Variants in SPAST observed in about 807,000 individuals in gnomAD.
The protein encoded by SPAST is spastic paraplegia 4 (autosomal dominant; spastin).
A neutral mutation model predicts 76.6 loss-of-function variants in SPAST; 30 were observed. The ratio of observed to expected loss-of-function variants is 0.39; its 90% confidence interval spans 0.29 to 0.53. The LOEUF (loss-of-function observed/expected upper bound fraction) is 0.53, where lower values mean the gene tolerates loss of function less well. Among genes scored for constraint, SPAST ranks in the 20% least tolerant of loss-of-function variants. The pLI is 0.68. For missense variants in SPAST, 717 were observed against 770.5 expected (o/e 0.93, Z 0.82); for synonymous variants, 305 against 281.0 (o/e 1.09, Z -0.86).
In SPAST at chr2:32,145,007, G is replaced by A. The variant is rs762630964; in HGVS notation, c.1687G>A (p.Glu563Lys). The change falls in exon 15 of 17, where the codon GAA becomes AAA. Residue 563 changes from glutamate (E) to lysine (K), a missense_variant and splice_region_variant. This residue lies in a region of SPAST where 96 missense variants were observed against 127.6 expected (regional missense o/e 0.75). Transcript: ENST00000315285. ...AGATGCAGCACTGGGTCCTATCCGA[G>A]GTAGGTATACAAGAGCTTAAAACAT... ...AKDAALGPIR[E>K]LKPEQVKNMS... is the part of the protein sequence containing the mutation. 6.2e-7 allele frequency: 1 copy of A among 1,607,698 alleles called. No homozygotes were observed. Among genetic ancestry groups the A allele is most frequent in the Non-Finnish European group, 8.5e-7 (1 of 1,174,982 alleles).
At chr2:32,140,175 C>A (rs760580571) in intron 12 of SPAST, among the ~76,000 whole-genome samples, 2 of 152,084 alleles carry the variant, frequency 1.3e-5, no homozygotes, top group South Asian at 4.2e-4. Context: ...TTTTCCCAAG[C>A]CTGTTGCCTT....
In SPAST at chr2:32,155,129, A is replaced by G. The variant is rs1426568456; in HGVS notation, c.*633A>G. The G allele has an allele frequency of 6.5e-6, 1 of 153,098 alleles. No individual in the cohort carries two copies. Among genetic ancestry groups the G allele is most frequent in the African/African-American group, 2.4e-5 (1 of 41,454 alleles). The allele number at this position is 153,098 out of a possible 1,614,324, so 9.5% of individuals were successfully genotyped here. On this transcript the variant is annotated 3_prime_UTR_variant, in exon 17 of 17. Transcript: ENST00000315285. ...TGTTCTTTTTACCTTTTATTTTTCT[A>G]TTACCTTGCTACCAAACAGTTTAGA... is the stretch of plus-strand genomic sequence containing the variant.
intron 3 of SPAST, among the ~76,000 whole-genome samples, chr2:32,095,872 C>T (rs1310435667): frequency 1.3e-5 from 2 of 152,022 alleles, no homozygotes; most frequent in East Asian, 1.9e-4. Flanking sequence ...TTGGGATTGC[C>T]GAGGCGTAAG....
At chr2:32,071,738 T>C (rs760765039) in intron 1 of SPAST, among the ~76,000 whole-genome samples, 20 of 152,208 alleles carry the variant, frequency 1.3e-4, no homozygotes, top group African/African-American at 4.6e-4. Flanking sequence ...TTATCTAAAG[T>C]CCTGGAATCC....
chr2:32,109,597 TC>T (rs1290745423), intron 4 of SPAST, among the ~76,000 whole-genome samples: 1 of 151,450 alleles, frequency 6.6e-6, no homozygotes, highest in African/African-American at 2.4e-5. Context: ...CTTTTTTTTT[TC>T]TATCAGTTTT....
In SPAST at chr2:32,119,169, A is replaced by G. The variant is rs1041840231; in HGVS notation, c.1098+2957A>G. The stretch of plus-strand genomic sequence containing the variant: ...TGTCTATACATCACCACACCTGCCA[A>G]ATGGAACTTTTTTTCCTTGTAGTTC... On this transcript the variant is annotated intron_variant, in intron 7 of 16. Transcript: ENST00000315285. 2.0e-5 allele frequency among the ~76,000 whole-genome samples: 3 copies of G among 152,148 alleles called. No homozygotes were observed. The East Asian group carries it at 5.8e-4, about 29-fold the overall frequency.
chr2:32,094,218 C>T (rs1488363244), intron 3 of SPAST, among the ~76,000 whole-genome samples: 1 of 152,076 alleles, frequency 6.6e-6, no homozygotes, highest in Admixed American at 6.6e-5. Flanking sequence ...TGTGATGTCA[C>T]CTCTTTTTTC....
intron 5 of SPAST, 78 bp downstream of exon 5, chr2:32,114,903 G>C (rs1274234355): frequency 5.0e-6 from 5 of 1,002,760 alleles, no homozygotes; most frequent in East Asian, 2.4e-5. Context: ...TGCTTAAGTT[G>C]ATCATAAGTA....
rs1232325605 is a variant in SPAST, at chr2:32,098,898, T to C, written c.682+7T>C. The C allele has an allele frequency of 2.5e-6, 4 of 1,569,206 alleles. No individual in the cohort carries two copies. Among genetic ancestry groups the C allele is most frequent in the Non-Finnish European group, 3.5e-6 (4 of 1,139,100 alleles). On this transcript the variant is annotated splice_region_variant and intron_variant, in intron 4 of 16. Transcript: ENST00000315285. ...AATGGACATCTCCAGTCAGGTGGGT[T>C]TAGGTTAACTAACATAAAATAATAA...
Position 32,063,825 on chromosome 2 carries a change from G to A in SPAST, c.-7G>A, listed in dbSNP as rs376165443. 2.3e-4 allele frequency: 353 copies of A among 1,566,030 alleles called. No homozygotes were observed. The highest frequency in any genetic ancestry group is 2.8e-4 in the Non-Finnish European group (328 of 1,164,612). On this transcript the variant is annotated 5_prime_UTR_variant, in exon 1 of 17. Coordinates refer to ENST00000315285, the MANE Select transcript of SPAST (RefSeq NM_014946.4). ...GGTTATGGCGGCGGCGGCAGTGAGAGCTGTGAATGAATTCTCCGGGTGGAC... is the reference window on the plus strand; with the variant it reads ...GGTTATGGCGGCGGCGGCAGTGAGAACTGTGAATGAATTCTCCGGGTGGAC...
chr2:32,115,781 T>C lies in SPAST; in HGVS notation c.950T>C (p.Phe317Ser), dbSNP rs759832933. The C allele has an allele frequency of 3.7e-6, 6 of 1,612,036 alleles. No homozygotes were observed. Among genetic ancestry groups the C allele is most frequent in the Non-Finnish European group, 5.1e-6 (6 of 1,178,480 alleles). The change falls in exon 6 of 17, where the codon TTT (phenylalanine) becomes TCT (serine). Residue 317 changes from phenylalanine (F) to serine (S), a missense_variant. Phe to Ser is a radical substitution (Grantham distance 155, BLOSUM62 -2). Around this residue, in one of 3 missense-constraint regions of SPAST, gnomAD observed 543 missense variants for 445.2 expected, o/e 1.22. Coordinates refer to ENST00000315285, the MANE Select transcript of SPAST (RefSeq NM_014946.4). ...ATRKKKDLKN[F>S]RNVDSNLANL... ...CGTAAGAAAAAAGACTTGAAGAATT[T>C]TAGGAATGTGGACAGCAACCTTGCT...
chr2:32,091,464 A>G (rs1470078854), intron 3 of SPAST, among the ~76,000 whole-genome samples: 2 of 150,400 alleles, frequency 1.3e-5, no homozygotes, highest in East Asian at 4.0e-4. Context: ...TTTAGTAGGG[A>G]CGGGGTTTCA....
At chr2:32,083,066 G>A (rs549727621) in intron 1 of SPAST, among the ~76,000 whole-genome samples, 29 of 151,956 alleles carry the variant, frequency 1.9e-4, no homozygotes, top group South Asian at 1.0e-3. Flanking sequence ...CTGCCTCCCC[G>A]GTTCAAGTGA....
In SPAST at chr2:32,067,124, T is replaced by C. The variant is rs747533334; in HGVS notation, c.415+2878T>C. Among the ~76,000 whole-genome samples, 33 of 152,144 alleles carry C rather than the reference T, an allele frequency of 2.2e-4. 1 individual carries two copies. The highest frequency in any genetic ancestry group is 1.5e-3 in the Admixed American group (23 of 15,262). ...TTGCCCAGGCTGGAGTGCAATGGTATGATCTTGGCTCACTGCAACCTCTGC... is the reference window on the plus strand; with the variant it reads ...TTGCCCAGGCTGGAGTGCAATGGTACGATCTTGGCTCACTGCAACCTCTGC... On this transcript the variant is annotated intron_variant, in intron 1 of 16. Transcript: ENST00000315285.
At chr2:32,147,981 G>A (rs1244759733) in intron 16 of SPAST, among the ~76,000 whole-genome samples, 2 of 147,020 alleles carry the variant, frequency 1.4e-5, no homozygotes, top group African/African-American at 5.1e-5. Context: ...TTCTCAGGCT[G>A]GAGTGCAGTG....
At position 32,064,050 on chromosome 2, in the gene SPAST, C is replaced by A. The variant is rs746545317; in HGVS notation, c.219C>A (p.Leu73=). 1 of 1,613,302 alleles carries A rather than the reference C, an allele frequency of 6.2e-7. No homozygotes were observed. The highest frequency in any genetic ancestry group is 1.1e-5 in the South Asian group (1 of 91,012). Residue 73 remains leucine, a synonymous_variant, in exon 1 of 17, where the codon CTC becomes CTA. Transcript: ENST00000315285. ...GTTTGGTCGCCTTCCACCTGGGGCTCCTCTTCGTGTGGCTCTGCCAGCGCT... is the reference window on the plus strand; with the variant it reads ...GTTTGGTCGCCTTCCACCTGGGGCTACTCTTCGTGTGGCTCTGCCAGCGCT... ...LLRLVAFHLG[L]LFVWLCQRFS... is the part of the protein sequence containing the mutation.
Position 32,063,907 on chromosome 2 carries a change from C to T in SPAST, c.76C>T (p.Pro26Ser), listed in dbSNP as rs780359337. Residue 26 changes from proline (P) to serine (S), a missense_variant, in exon 1 of 17, where the codon CCC (proline) becomes TCC (serine). Physicochemically the swap from Pro to Ser is moderately conservative, Grantham distance 74. Around this residue, in one of 3 missense-constraint regions of SPAST, gnomAD observed 543 missense variants for 445.2 expected, o/e 1.22. Transcript: ENST00000315285. ...ASNPVPPRPP[P>S]PCLAPAPPAA... ...CAACCCGGTGCCTCCCAGGCCTCCG[C>T]CCCCTTGCCTGGCCCCCGCCCCTCC... is the stretch of plus-strand genomic sequence containing the variant. 6.3e-7 allele frequency: 1 copy of T among 1,583,408 alleles called. No homozygotes were observed. Among genetic ancestry groups the T allele is most frequent in the East Asian group, 2.3e-5 (1 of 43,684 alleles).
chr2:32,134,216 T>C (rs1038324042), intron 9 of SPAST, among the ~76,000 whole-genome samples: 5 of 151,816 alleles, frequency 3.3e-5, no homozygotes, highest in Admixed American at 6.6e-5. Flanking sequence ...TAAAAAATTC[T>C]GGGGGGCCGA....
At chr2:32,085,361 G>A (rs953982747) in intron 1 of SPAST, among the ~76,000 whole-genome samples, 2 of 151,960 alleles carry the variant, frequency 1.3e-5, no homozygotes, top group African/African-American at 4.8e-5. Flanking sequence ...GACCACAGAT[G>A]TGTATCCCCA....
Sources: allele counts gnomAD v4.1 joint callset (sites outside exome capture counted in the v4.1 genomes callset), GRCh38; gene constraint gnomAD v4.1.1; regional missense constraint gnomAD v4.1.1; transcripts MANE v1.5; gene names NCBI Gene and HGNC (gene_info 2026-07-23, HGNC 2026-07-21).